The following CIT variants were observed in gnomAD, a reference collection of about 807,000 sequenced individuals.
CIT encodes the protein citron Rho-interacting kinase.
A neutral mutation model predicts 272.7 loss-of-function variants in CIT; 79 were observed. That is an observed-to-expected ratio of 0.29 (90% confidence interval 0.24 to 0.35). The LOEUF is 0.35. CIT is among the 10% of genes least tolerant of loss of function. The pLI is 1.00. For missense variants in CIT, 1,909 were observed against 2,618.3 expected (o/e 0.73, Z 5.91); for synonymous variants, 948 against 995.6 (o/e 0.95, Z 0.90).
chr12:119,711,235 A>T, intron 37 of CIT: 1 of 531,340 alleles, frequency 1.9e-6, no homozygotes, highest in Non-Finnish European at 3.3e-6. Context: ...TAACACATAA[A>T]GTGTTTATTA....
chr12:119,764,400 C>T (rs1051313272), intron 19 of CIT, among the ~76,000 whole-genome samples: 5 of 151,772 alleles, frequency 3.3e-5, no homozygotes, highest in African/African-American at 1.2e-4. Context: ...TGGGAATGAC[C>T]CAAATAGAAT....
chr12:119,837,395 G>A (rs994600581), intron 5 of CIT, among the ~76,000 whole-genome samples: 2 of 152,192 alleles, frequency 1.3e-5, no homozygotes, highest in African/African-American at 4.8e-5. Flanking sequence ...CCCAGGACTT[G>A]AGTGCTTTCA....
In CIT at chr12:119,768,113, T is replaced by C. The variant is rs185986594; in HGVS notation, c.2209-931A>G. 6.6e-6 allele frequency among the ~76,000 whole-genome samples: 1 copy of C among 152,240 alleles called. No homozygotes were observed. Among genetic ancestry groups the C allele is most frequent in the Non-Finnish European group, 1.5e-5 (1 of 68,010 alleles). Reference sequence around the variant, plus strand: ...TTTTAGTAGAGGCGAGGTTTCACCATGTCGGTCAGGCTGGTTTCAAACTCC... The same window carrying C: ...TTTTAGTAGAGGCGAGGTTTCACCACGTCGGTCAGGCTGGTTTCAAACTCC... On this transcript the variant is annotated intron_variant, in intron 18 of 47. Transcript: ENST00000392521. This position sits in a 1 kb window ranked among gnomAD's most constrained non-coding sequence, Gnocchi z 4.3.
At chr12:119,825,430 A>C in intron 7 of CIT, 62 bp from the exon 8 acceptor site, 54 of 1,467,726 alleles carry the variant, frequency 3.7e-5, no homozygotes, top group Non-Finnish European at 2.8e-6. Context: ...TAGACTGCCA[A>C]CAGCCACATT....
chr12:119,726,685 G>C (rs16949608), intron 28 of CIT, among the ~76,000 whole-genome samples: 9,397 of 152,096 alleles, frequency 0.062, 482 homozygotes, highest in African/African-American at 0.14. Flanking sequence ...GCTCACTAAG[G>C]GTTAAACAGA....
chr12:119,840,053 A>G (rs1379985692), intron 5 of CIT, among the ~76,000 whole-genome samples: 8 of 152,234 alleles, frequency 5.3e-5, no homozygotes. Context: ...GCAGTGGCTC[A>G]TGCCAGGAAT....
At position 119,688,269 on chromosome 12, in the gene CIT, A is replaced by AAGG. The variant is rs10669112; in HGVS notation, c.6187-17_6187-15dup. The AAGG allele has an allele frequency of 0.35, 569,049 of 1,610,176 alleles. 106,426 individuals are homozygous for AAGG. The highest frequency in any genetic ancestry group is 0.56 in the African/African-American group (41,944 of 74,798). On this transcript the variant is annotated splice_polypyrimidine_tract_variant and intron_variant, in intron 47 of 47. Transcript: ENST00000392521. Reference sequence around the variant, plus strand: ...CTGGTCCCAGACCTAGGAGTGAAATAAGGAGGAGTGTTAGCCATCCGAGGC... The same window carrying AAGG: ...CTGGTCCCAGACCTAGGAGTGAAATAAGGAGGAGGAGTGTTAGCCATCCGAGGC...
chr12:119,849,905 C>G (rs1970091332), intron 5 of CIT, among the ~76,000 whole-genome samples: 1 of 152,162 alleles, frequency 6.6e-6, no homozygotes, highest in Non-Finnish European at 1.5e-5. Flanking sequence ...CCAGGATGGT[C>G]TTGATCTCCT....
intron 37 of CIT, among the ~76,000 whole-genome samples, chr12:119,711,933 A>C (rs1444367011): frequency 6.6e-6 from 1 of 152,130 alleles, no homozygotes; most frequent in Non-Finnish European, 1.5e-5. Context: ...CTGGGACCAC[A>C]GGCATGAGCC....
intron 13 of CIT, among the ~76,000 whole-genome samples, chr12:119,781,569 T>A (rs551670230): frequency 8.1e-4 from 124 of 152,232 alleles, no homozygotes; most frequent in Non-Finnish European, 1.4e-3. Context: ...CATTAAAGTC[T>A]CTATTTACAG....
At chr12:119,734,116 C>A (rs760950673) in intron 26 of CIT, 48 bp downstream of exon 26, 6 of 1,587,822 alleles carry the variant, frequency 3.8e-6, no homozygotes, top group Non-Finnish European at 5.2e-6. Context: ...TCAGGCCGAT[C>A]CTCCTGCGGT....
intron 9 of CIT, among the ~76,000 whole-genome samples, chr12:119,808,017 T>A (rs952277713): frequency 5.3e-5 from 8 of 152,128 alleles, no homozygotes; most frequent in African/African-American, 1.9e-4. Flanking sequence ...CTTCTTGAGG[T>A]TGTTTTTTGT....
intron 6 of CIT, among the ~76,000 whole-genome samples, chr12:119,833,370 A>C (rs1968774844): frequency 6.6e-6 from 1 of 152,054 alleles, no homozygotes. Context: ...CCACTTACCA[A>C]CTGAGGATTT....
Position 119,730,712 on chromosome 12 carries a change from G to T in CIT, c.3351-82C>A, listed in dbSNP as rs560701392. 9 of 1,467,538 alleles carry T rather than the reference G, an allele frequency of 6.1e-6. No individual in the cohort carries two copies. In the African/African-American group the frequency reaches 1.1e-4, roughly 18 times the overall value. The allele number at this position is 1,467,538 out of a possible 1,614,324, so 90.9% of individuals were successfully genotyped here. The stretch of plus-strand genomic sequence containing the variant: ...AGAAGGCTGGTCCGTCTCTAATCCT[G>T]ACGAGCAACTAAACAGGCTGCAGGC... On this transcript the variant is annotated intron_variant, in intron 26 of 47. Coordinates refer to ENST00000392521, the MANE Select transcript of CIT (RefSeq NM_001206999.2).
chr12:119,713,365 G>A lies in CIT; in HGVS notation c.4488-71C>T, dbSNP rs1957272991. Reference sequence around the variant, plus strand: ...AACATCCGGCTGGAGGATAGGATGAGGGGGTGGCAGAGTTCCTAGAAAAGA... The same window carrying A: ...AACATCCGGCTGGAGGATAGGATGAAGGGGTGGCAGAGTTCCTAGAAAAGA... On this transcript the variant is annotated intron_variant, in intron 34 of 47. Coordinates refer to ENST00000392521, the MANE Select transcript of CIT (RefSeq NM_001206999.2). The surrounding 1 kb of genome is among the most constrained non-coding windows in gnomAD (Gnocchi z 5.2). The A allele has an allele frequency of 9.5e-6, 15 of 1,579,374 alleles. No individual in the cohort carries two copies. The highest frequency in any genetic ancestry group is 1.4e-5 in the African/African-American group (1 of 73,926).
chr12:119,776,646 C>T lies in CIT; in HGVS notation c.1836+26G>A, dbSNP rs562787737. 22 of 1,589,954 alleles carry T rather than the reference C, an allele frequency of 1.4e-5. No individual in the cohort carries two copies. In the East Asian group the frequency reaches 4.9e-4, roughly 36 times the overall value. On this transcript the variant is annotated intron_variant, in intron 14 of 47. Transcript: ENST00000392521. ...ATCATGTACAATTTTACCCAAAAAG[C>T]ACCCTCCTGGAGGGTGGCTGACTAC...
At chr12:119,735,661 A>G (rs1958712023) in intron 24 of CIT, among the ~76,000 whole-genome samples, 1 of 152,204 alleles carries the variant, frequency 6.6e-6, no homozygotes. Context: ...GATCAAATTG[A>G]CGGAAATAAT....
intron 16 of CIT, among the ~76,000 whole-genome samples, chr12:119,773,624 G>T (rs1417079509): frequency 6.6e-6 from 1 of 152,106 alleles, no homozygotes; most frequent in Non-Finnish European, 1.5e-5. Context: ...GTAAAGACAG[G>T]GTTTCACCAT....
chr12:119,720,172 C>A (rs1957751560), intron 30 of CIT, among the ~76,000 whole-genome samples: 1 of 152,216 alleles, frequency 6.6e-6, no homozygotes, highest in African/African-American at 2.4e-5. Context: ...ATCTTTCTCT[C>A]TGCATACATC....
Sources: allele counts gnomAD v4.1 joint callset (sites outside exome capture counted in the v4.1 genomes callset), GRCh38; gene constraint gnomAD v4.1.1; non-coding constraint Gnocchi (gnomAD v3.1); transcripts MANE v1.5; gene names NCBI Gene and HGNC (gene_info 2026-07-23, HGNC 2026-07-21).